CEP63: variants seen among roughly 807,000 people sequenced by gnomAD.
CEP63 encodes centrosomal protein 63.
CEP63 carries 84 observed loss-of-function variants against 89.1 expected under a neutral mutation model. That is an observed-to-expected ratio of 0.94 (90% CI 0.79 to 1.13). The LOEUF (loss-of-function observed/expected upper bound fraction) is 1.13. CEP63 is among the 50% of genes most tolerant of loss of function. CEP63 has a pLI of 0.00. For synonymous variants in CEP63, 267 were observed against 272.5 expected, an observed-to-expected ratio of 0.98 and a Z score of 0.20; for missense variants, 838 against 813.3, an observed-to-expected ratio of 1.03 and a Z score of -0.37.
Position 134,559,224 on chromosome 3 carries a change from G to A in CEP63, c.1748G>A (p.Gly583Glu). Residue 583 changes from glycine to glutamate, a missense_variant, in exon 14 of 15, where the codon GGA becomes GAA. Coordinates refer to ENST00000675561, the MANE Select transcript of CEP63 (RefSeq NM_001353108.3). ...HYKTDLHSPR[G>E]QASDSINPMS... ...AAAACAGATCTTCATTCTCCAAGAG[G>A]ACAAGCGTCGGATAGTATAAACCCC... 6.2e-7 allele frequency: 1 copy of A among 1,614,142 alleles called. No homozygotes were observed. The highest frequency in any genetic ancestry group is 1.1e-5 in the South Asian group (1 of 91,068).
rs560859673 is a variant in CEP63, at chr3:134,513,832, C to G, written c.222+6546C>G. Among the ~76,000 whole-genome samples the G allele has an allele frequency of 2.0e-5, 3 of 152,186 alleles. No individual in the cohort carries two copies. The East Asian group carries it at 5.8e-4, about 29-fold the overall frequency. On this transcript the variant is annotated intron_variant, in intron 3 of 14. Transcript: ENST00000675561. Reference sequence around the variant, plus strand: ...GTTAAACTTAAGAGTGCTACTGTCCCCAGGCATCTCCAAAGTGCTAGGGCT... The same window carrying G: ...GTTAAACTTAAGAGTGCTACTGTCCGCAGGCATCTCCAAAGTGCTAGGGCT...
the CEP63 span, among the ~76,000 whole-genome samples, chr3:134,657,604 A>C: frequency 1.3e-5 from 2 of 152,098 alleles, no homozygotes; most frequent in African/African-American, 4.8e-5. Context: ...TTTGTTTTGC[A>C]TTGTCTACTT....
At chr3:134,553,761 C>G (rs1955453969) in intron 12 of CEP63, among the ~76,000 whole-genome samples, 1 of 152,202 alleles carries the variant, frequency 6.6e-6, no homozygotes, top group South Asian at 2.1e-4. Context: ...ATACGTATAG[C>G]CTCTAAATTC....
At chr3:134,773,325 A>C in the CEP63 span, among the ~76,000 whole-genome samples, 1 of 151,964 alleles carries the variant, frequency 6.6e-6, no homozygotes, top group South Asian at 2.1e-4. Flanking sequence ...CCAGAGCCAG[A>C]CTCTTTAGGA....
rs540367681 is a variant in CEP63 at position 134,526,238 on chromosome 3, A to G, written c.223-5607A>G. 3.9e-5 allele frequency among the ~76,000 whole-genome samples: 6 copies of G among 151,986 alleles called. No individual in the cohort carries two copies. The South Asian group carries it at 1.0e-3, about 26-fold the overall frequency. ...GTCTATTTTGCTATTAATACTTGTG[A>G]TTGCATTATAAAATTCTTGTGGCAT... On this transcript the variant is annotated intron_variant, in intron 3 of 14. Coordinates refer to ENST00000675561, the MANE Select transcript of CEP63 (RefSeq NM_001353108.3).
At chr3:134,490,021 C>A (rs77039188) in intron 1 of CEP63, among the ~76,000 whole-genome samples, 2,467 of 152,076 alleles carry the variant, frequency 0.016, 57 homozygotes, top group African/African-American at 0.055. Flanking sequence ...ATTTTCCTGG[C>A]TCATTTATAG....
At position 134,546,215 on chromosome 3, in the gene CEP63, G is replaced by A. The variant is rs1953282851; in HGVS notation, c.856G>A (p.Ala286Thr). 6.2e-7 allele frequency: 1 copy of A among 1,613,764 alleles called. No individual in the cohort carries two copies. ...GTCTCAAGAAAATCTCATACATGAG[G>A]CCAGAATACAAAAGGAGAAGTTACA... is the stretch of plus-strand genomic sequence containing the variant. ...LQSQENLIHE[A>T]RIQKEKLQEK... Residue 286 changes from alanine to threonine, a missense_variant, in exon 8 of 15, where the codon GCC becomes ACC. By Grantham distance (58) the Ala-to-Thr change is moderately conservative. Transcript: ENST00000675561.
chr3:134,547,614 C>CTTTTTTTTTTTTTTCT, intron 9 of CEP63, 142 bp downstream of exon 9: 1 of 268,922 alleles, frequency 3.7e-6, no homozygotes. Flanking sequence ...GTTCTTATTT[C>CTTTTTTTTTTTTTTCT]TTTTTTTTTT....
At chr3:134,556,989 A>G (rs560945212) in intron 12 of CEP63, among the ~76,000 whole-genome samples, 2 of 152,334 alleles carry the variant, frequency 1.3e-5, no homozygotes, top group African/African-American at 4.8e-5. Context: ...TACAGTGTGA[A>G]TATGTTGTAC....
chr3:134,612,179 C>T, the CEP63 span, among the ~76,000 whole-genome samples: 1 of 152,168 alleles, frequency 6.6e-6, no homozygotes, highest in African/African-American at 2.4e-5. Flanking sequence ...GAGGTTCAGG[C>T]CTCCTAAGCC....
the CEP63 span, among the ~76,000 whole-genome samples, chr3:134,623,254 G>A: frequency 6.6e-6 from 1 of 152,166 alleles, no homozygotes; most frequent in East Asian, 1.9e-4. Context: ...ACTGTTCTCT[G>A]AGTATGGCCA....
At chr3:134,526,818 A>G (rs1303480697) in intron 3 of CEP63, among the ~76,000 whole-genome samples, 1 of 148,192 alleles carries the variant, frequency 6.7e-6, no homozygotes, top group African/African-American at 2.5e-5. Context: ...TGAGAGTTTT[A>G]TTGTAGTATA....
intron 5 of CEP63, among the ~76,000 whole-genome samples, chr3:134,533,111 ACAGGG>A (rs1357972179): frequency 3.7e-4 from 56 of 152,162 alleles, no homozygotes; most frequent in Non-Finnish European, 8.8e-5. Context: ...GTAATTCTCA[ACAGGG>A]CAGTACCACC....
chr3:134,729,854 G>A, the CEP63 span, among the ~76,000 whole-genome samples: 1 of 152,214 alleles, frequency 6.6e-6, no homozygotes, highest in African/African-American at 2.4e-5. Context: ...GTTGGCAAGG[G>A]ACCAGGTGGG....
intron 2 of CEP63, among the ~76,000 whole-genome samples, chr3:134,506,240 G>A (rs1363993841): frequency 6.6e-6 from 1 of 152,212 alleles, no homozygotes; most frequent in African/African-American, 2.4e-5. Context: ...CAGGACATCA[G>A]TAGGTTTACA....
chr3:134,651,869 A>G, the CEP63 span, among the ~76,000 whole-genome samples: 1 of 152,176 alleles, frequency 6.6e-6, no homozygotes, highest in Non-Finnish European at 1.5e-5. Context: ...TGTAGGTCTC[A>G]GGAGTGTTTA....
chr3:134,546,942 C>G (rs757444034), intron 8 of CEP63, among the ~76,000 whole-genome samples: 7 of 152,188 alleles, frequency 4.6e-5, no homozygotes, highest in Non-Finnish European at 8.8e-5. Flanking sequence ...TGATTAGTAG[C>G]TGCTTATCAT....
At chr3:134,767,105 C>T in the CEP63 span, among the ~76,000 whole-genome samples, 1 of 152,288 alleles carries the variant, frequency 6.6e-6, no homozygotes, top group East Asian at 1.9e-4. Context: ...CTTCATCTTG[C>T]TACCTGGTAC....
chr3:134,673,298 C>A, the CEP63 span, among the ~76,000 whole-genome samples: 1 of 152,182 alleles, frequency 6.6e-6, no homozygotes, highest in Admixed American at 6.5e-5. Flanking sequence ...CACAACCTGA[C>A]GTCCCCCCTC....
Sources: gnomAD v4.1 joint callset for allele counts (sites outside exome capture counted in the v4.1 genomes callset) on GRCh38, gnomAD v4.1.1 for gene constraint, MANE v1.5 for transcripts, NCBI Gene and HGNC (gene_info 2026-07-23, HGNC 2026-07-21) for gene names.